Variants in RALYL observed in about 807,000 individuals in gnomAD.
The protein encoded by RALYL is RNA-binding Raly-like protein.
RALYL carries 29 observed loss-of-function variants against 35.1 expected under a neutral mutation model. The ratio of observed to expected loss-of-function variants is 0.83; its 90% confidence interval spans 0.61 to 1.13. RALYL has a LOEUF of 1.13. Among genes scored for constraint, RALYL ranks in the 50% most tolerant of loss-of-function variants. The probability of loss-of-function intolerance (pLI) is 0.00; values close to 1 mark genes in which losing one functional copy is unlikely to be tolerated. For synonymous variants in RALYL, 120 were observed against 127.6 expected (o/e 0.94, Z 0.40); for missense variants, 359 against 360.4 (o/e 1.00, Z 0.03).
chr8:84,660,039 T>C (rs943421938), intron 2 of RALYL, among the ~76,000 whole-genome samples: 1 of 152,168 alleles, frequency 6.6e-6, no homozygotes, highest in African/African-American at 2.4e-5. Flanking sequence ...CTTTGAAGAA[T>C]AGTAGAAGTA....
intron 1 of RALYL, among the ~76,000 whole-genome samples, chr8:84,453,930 C>T (rs1371210121): frequency 1.3e-5 from 2 of 152,026 alleles, no homozygotes; most frequent in African/African-American, 4.8e-5. Context: ...TTTATTTATA[C>T]CAAATCCAGA....
intron 1 of RALYL, among the ~76,000 whole-genome samples, chr8:84,227,131 T>A (rs1209716286): frequency 6.7e-6 from 1 of 148,956 alleles, no homozygotes; most frequent in Non-Finnish European, 1.5e-5. Context: ...CATGATTTCA[T>A]CTCACTGAAA....
In RALYL at chr8:84,422,038, G is replaced by A. The variant is rs916241259; in HGVS notation, c.-23-107261G>A. Among the ~76,000 whole-genome samples, 143 of 152,172 alleles carry A rather than the reference G, an allele frequency of 9.4e-4. 1 individual carries two copies. Among genetic ancestry groups the A allele is most frequent in the Admixed American group, 2.1e-3 (32 of 15,276 alleles). ...TTTGGTTGTGTCTCTGCCTGACTTT[G>A]GTATCAGGATGATGCTGGCCTCATA... On this transcript the variant is annotated intron_variant, in intron 1 of 8. Coordinates refer to ENST00000521268, the MANE Select transcript of RALYL (RefSeq NM_173848.7).
intron 1 of RALYL, among the ~76,000 whole-genome samples, chr8:84,190,219 C>A (rs758042977): frequency 6.6e-6 from 1 of 152,140 alleles, no homozygotes; most frequent in Non-Finnish European, 1.5e-5. Flanking sequence ...GTCTGTCTAC[C>A]AACATCTCAC....
At chr8:84,646,817 C>A (rs968565621) in intron 2 of RALYL, among the ~76,000 whole-genome samples, 14 of 152,076 alleles carry the variant, frequency 9.2e-5, no homozygotes, top group Admixed American at 7.2e-4. Context: ...TCTGGCACCA[C>A]TTACTTTCGC....
rs1255205008 is a variant in RALYL at position 84,638,867 on chromosome 8, CATAAATATATATATATAT to C, written c.256+109294_256+109311del. 4.8e-3 allele frequency among the ~76,000 whole-genome samples: 488 copies of C among 102,124 alleles called. 20 individuals carry two copies. The highest frequency in any genetic ancestry group is 0.021 in the African/African-American group (442 of 21,112). 67.0% of individuals were successfully genotyped at this position (102,124 alleles called of 152,430 possible). Reference sequence around the variant, plus strand: ...CAGAAATACGAGTATCTAATGCACGCATAAATATATATATATATATATATATATATATATATATATATA... The same window carrying C: ...CAGAAATACGAGTATCTAATGCACGCATATATATATATATATATATATATA... On this transcript the variant is annotated intron_variant, in intron 2 of 8. Transcript: ENST00000521268.
At chr8:84,773,831 A>C (rs1332569868) in intron 2 of RALYL, among the ~76,000 whole-genome samples, 1 of 152,232 alleles carries the variant, frequency 6.6e-6, no homozygotes, top group Non-Finnish European at 1.5e-5. Flanking sequence ...CCTCCTATGA[A>C]CAGAACTCTA....
At chr8:84,376,876 T>C (rs1303761015) in intron 1 of RALYL, among the ~76,000 whole-genome samples, 2 of 151,798 alleles carry the variant, frequency 1.3e-5, no homozygotes, top group African/African-American at 4.8e-5. Flanking sequence ...CAAAGATGAG[T>C]GCCAAGTTTA....
chr8:84,226,397 G>GTT (rs1292201251), intron 1 of RALYL, among the ~76,000 whole-genome samples: 3 of 152,050 alleles, frequency 2.0e-5, no homozygotes, highest in African/African-American at 4.8e-5. Flanking sequence ...TTTTTTGGTT[G>GTT]TTTGTTTTTG....
chr8:84,560,181 T>G (rs2061387112), intron 2 of RALYL, among the ~76,000 whole-genome samples: 1 of 151,916 alleles, frequency 6.6e-6, no homozygotes. Flanking sequence ...TTATTTAGAT[T>G]ATAAGGAGAG....
Position 84,243,309 on chromosome 8 carries a change from C to T in RALYL, c.-24+58885C>T, listed in dbSNP as rs370224729. On this transcript the variant is annotated intron_variant, in intron 1 of 8. Transcript: ENST00000521268. ...GTTTCTTATGATTGACTTGGCTATC[C>T]AGGCTGTTTTTTTGTTCTGTATGAA... Among the ~76,000 whole-genome samples, 10 of 152,044 alleles carry T rather than the reference C, an allele frequency of 6.6e-5. No individual in the cohort carries two copies. The East Asian group carries it at 1.4e-3, about 21-fold the overall frequency.
intron 1 of RALYL, among the ~76,000 whole-genome samples, chr8:84,509,489 T>A (rs1356867470): frequency 6.6e-6 from 1 of 152,150 alleles, no homozygotes; most frequent in Non-Finnish European, 1.5e-5. Flanking sequence ...CTCTTGACAA[T>A]GTCTTCTGCA....
At chr8:84,432,312 G>T (rs2047228823) in intron 1 of RALYL, among the ~76,000 whole-genome samples, 1 of 152,066 alleles carries the variant, frequency 6.6e-6, no homozygotes, top group African/African-American at 2.4e-5. Flanking sequence ...TCACTTATAT[G>T]AGGAGTCTAA....
intron 1 of RALYL, among the ~76,000 whole-genome samples, chr8:84,364,538 AAT>A (rs1853788906): frequency 1.1e-5 from 1 of 94,738 alleles, no homozygotes; most frequent in Admixed American, 1.1e-4. Context: ...AAAATTATAA[AAT>A]ATAAAAAGTT....
At chr8:84,654,252 T>G (rs2131569229) in intron 2 of RALYL, among the ~76,000 whole-genome samples, 1 of 137,016 alleles carries the variant, frequency 7.3e-6, no homozygotes, top group Admixed American at 7.5e-5. Context: ...CACCAACGTA[T>G]ATGTATATCT....
intron 7 of RALYL, among the ~76,000 whole-genome samples, chr8:84,877,549 G>T (rs1393679026): frequency 1.3e-5 from 2 of 151,918 alleles, no homozygotes; most frequent in African/African-American, 2.4e-5. Flanking sequence ...TTTAAAGGGA[G>T]CTATAGTATT....
intron 1 of RALYL, among the ~76,000 whole-genome samples, chr8:84,254,603 C>A (rs4740004): frequency 1.3e-5 from 2 of 151,510 alleles, no homozygotes; most frequent in South Asian, 2.1e-4. Flanking sequence ...GAAAATTTTC[C>A]TGAGTTCTAC....
intron 8 of RALYL, among the ~76,000 whole-genome samples, chr8:84,894,377 A>C (rs1844384512): frequency 6.6e-6 from 1 of 152,258 alleles, no homozygotes. Context: ...CAAGGAAGAA[A>C]GTAGTACTCA....
At chr8:84,317,512 G>T (rs1843972496) in intron 1 of RALYL, among the ~76,000 whole-genome samples, 1 of 152,200 alleles carries the variant, frequency 6.6e-6, no homozygotes, top group Non-Finnish European at 1.5e-5. Context: ...AGCAATGAGA[G>T]AATCTTTTCA....
Sources: gnomAD v4.1 joint callset for allele counts (sites outside exome capture counted in the v4.1 genomes callset) on GRCh38, gnomAD v4.1.1 for gene constraint, MANE v1.5 for transcripts, NCBI Gene and HGNC (gene_info 2026-07-23, HGNC 2026-07-21) for gene names.